Variants in ATP2B4 observed in about 807,000 individuals in gnomAD.
ATP2B4 encodes the protein ATPase plasma membrane Ca2+ transporting 4, also known as plasma membrane calcium-transporting ATPase 4.
A neutral mutation model predicts 110.3 loss-of-function variants in ATP2B4; 39 were observed. The observed-to-expected ratio is 0.35, with a 90% CI of 0.27 to 0.46. ATP2B4 has a LOEUF of 0.46. Ranked by LOEUF, ATP2B4 falls within the 20% of genes least tolerant of loss-of-function variation. ATP2B4 has a pLI of 1.00. For missense variants in ATP2B4, 1,135 were observed against 1,530.9 expected, an observed-to-expected ratio of 0.74 and a Z score of 4.32; for synonymous variants, 538 against 571.7, an observed-to-expected ratio of 0.94 and a Z score of 0.84.
Position 203,721,192 on chromosome 1 carries a change from G to A in ATP2B4, c.2599-5G>A, listed in dbSNP as rs369620950. The A allele has an allele frequency of 2.4e-5, 39 of 1,613,688 alleles. No homozygotes were observed. The highest frequency in any genetic ancestry group is 6.7e-5 in the East Asian group (3 of 44,888). Reference sequence around the variant, plus strand: ...GCTAAAAGGACTGGTTCTTCTCCCCGCCAGGATTCCCCATTGAAAGCTGTG... The same window carrying A: ...GCTAAAAGGACTGGTTCTTCTCCCCACCAGGATTCCCCATTGAAAGCTGTG... On this transcript the variant is annotated splice_polypyrimidine_tract_variant and splice_region_variant and intron_variant, in intron 16 of 20. Coordinates refer to ENST00000357681, the MANE Select transcript of ATP2B4 (RefSeq NM_001684.5).
At chr1:203,680,533 C>T (rs1407640439) in intron 1 of ATP2B4, among the ~76,000 whole-genome samples, 1 of 150,512 alleles carries the variant, frequency 6.6e-6, no homozygotes, top group Non-Finnish European at 1.5e-5. Flanking sequence ...GGCGTGAACC[C>T]GGGAGGTGGA....
intron 10 of ATP2B4, among the ~76,000 whole-genome samples, chr1:203,708,984 C>T (rs1024238123): frequency 3.9e-5 from 6 of 152,066 alleles, no homozygotes; most frequent in African/African-American, 7.2e-5. Flanking sequence ...TGGTGAAACC[C>T]GGTCTCTACT....
chr1:203,726,405 G>C (rs1666518279), intron 19 of ATP2B4, among the ~76,000 whole-genome samples: 1 of 147,404 alleles, frequency 6.8e-6, no homozygotes, highest in Non-Finnish European at 1.5e-5. Flanking sequence ...CCTCCACCCT[G>C]TTCTGTTTGG....
At chr1:203,720,888 C>A in intron 16 of ATP2B4, 148 bp downstream of exon 16, 1 of 994,152 alleles carries the variant, frequency 1.0e-6, no homozygotes, top group Non-Finnish European at 1.4e-6. Flanking sequence ...AGTCTGCTGT[C>A]TTCATCTGCT....
chr1:203,686,685 C>CTTTTT (rs779048789), intron 2 of ATP2B4, among the ~76,000 whole-genome samples: 2,525 of 42,670 alleles, frequency 0.059, 285 homozygotes, highest in Middle Eastern at 0.13. Flanking sequence ...TCTTTTCTTT[C>CTTTTT]TTTTTTTTTT....
At chr1:203,733,984 T>G (rs139657710) in intron 20 of ATP2B4, among the ~76,000 whole-genome samples, 1 of 152,222 alleles carries the variant, frequency 6.6e-6, no homozygotes, top group Admixed American at 6.5e-5. Flanking sequence ...TGGCCACCAC[T>G]GTATTGCTGA....
intron 15 of ATP2B4, among the ~76,000 whole-genome samples, chr1:203,717,971 G>C (rs1666208369): frequency 6.6e-6 from 1 of 151,980 alleles, no homozygotes; most frequent in South Asian, 2.1e-4. Flanking sequence ...ACTTTGGGAG[G>C]CCAAGGGGGA....
intron 18 of ATP2B4, among the ~76,000 whole-genome samples, chr1:203,723,559 T>C (rs1666414072): frequency 6.7e-6 from 1 of 149,854 alleles, no homozygotes; most frequent in East Asian, 2.0e-4. Flanking sequence ...CATCCTCAGT[T>C]CCTAACTCCA....
Position 203,683,215 on chromosome 1 carries a change from C to G in ATP2B4, c.10C>G (p.Pro4Ala). ...GGTAACAGCAGGCAAAATGACGAAC[C>G]CATCAGACCGTGTCTTGCCTGCCAA... The part of the protein sequence containing the change: MTN[P>A]SDRVLPANSM... Residue 4 changes from proline (P) to alanine (A), a missense_variant, in exon 2 of 21, where the codon CCA becomes GCA. Around this residue, in one of 9 missense-constraint regions of ATP2B4, gnomAD observed 122 missense variants for 125.2 expected, o/e 0.97. Transcript: ENST00000357681. 6.2e-7 allele frequency: 1 copy of G among 1,613,604 alleles called. No individual in the cohort carries two copies. The highest frequency in any genetic ancestry group is 1.1e-5 in the South Asian group (1 of 91,004).
intron 1 of ATP2B4, among the ~76,000 whole-genome samples, chr1:203,643,063 C>T (rs1212750779): frequency 2.6e-5 from 4 of 152,196 alleles, no homozygotes; most frequent in East Asian, 1.9e-4. Flanking sequence ...ACTGTCTCCC[C>T]GTAGCGAAAG....
chr1:203,679,657 G>A (rs764941280), intron 1 of ATP2B4, among the ~76,000 whole-genome samples: 1 of 152,004 alleles, frequency 6.6e-6, no homozygotes. Flanking sequence ...GGCCGAGGGG[G>A]GTGGATCACA....
chr1:203,696,712 C>T (rs1325177773), intron 2 of ATP2B4, among the ~76,000 whole-genome samples: 1 of 152,184 alleles, frequency 6.6e-6, no homozygotes, highest in East Asian at 1.9e-4. Context: ...CTGCCTATCT[C>T]TTGTCCCTCT....
chr1:203,701,003 G>A, intron 6 of ATP2B4, 80 bp downstream of exon 6: 1 of 1,490,528 alleles, frequency 6.7e-7, no homozygotes, highest in East Asian at 2.5e-5. Flanking sequence ...GATCTGGATA[G>A]AAAGCATGGT....
At chr1:203,727,760 G>C in intron 20 of ATP2B4, 189 bp downstream of exon 20, 2 of 667,894 alleles carry the variant, frequency 3.0e-6, no homozygotes, top group East Asian at 2.8e-5. Context: ...TCTGAGAGGA[G>C]AGGAGTCAAA....
chr1:203,633,990 C>T (rs1484721557), intron 1 of ATP2B4, among the ~76,000 whole-genome samples: 2 of 152,036 alleles, frequency 1.3e-5, no homozygotes, highest in African/African-American at 2.4e-5. Flanking sequence ...GCGGAGGTTG[C>T]AGTGAGCCAA....
At chr1:203,713,292 G>A (rs1161897593) in intron 14 of ATP2B4, 40 bp downstream of exon 14, 2 of 1,609,548 alleles carry the variant, frequency 1.2e-6, no homozygotes, top group Non-Finnish European at 1.7e-6. Context: ...AACAGCTGAA[G>A]GCAGGCCAGG....
At chr1:203,725,904 CTT>C (rs756184004) in intron 19 of ATP2B4, among the ~76,000 whole-genome samples, 5 of 93,374 alleles carry the variant, frequency 5.4e-5, no homozygotes, top group South Asian at 4.2e-4. Flanking sequence ...CTTTTCTTTT[CTT>C]TTTTTTTTTT....
At chr1:203,670,914 T>C (rs1253493588) in intron 1 of ATP2B4, among the ~76,000 whole-genome samples, 2 of 152,208 alleles carry the variant, frequency 1.3e-5, no homozygotes, top group Non-Finnish European at 2.9e-5. Flanking sequence ...TTCTGAGCCA[T>C]GGTGGCATCT....
At chr1:203,643,648 C>A (rs1315943074) in intron 1 of ATP2B4, among the ~76,000 whole-genome samples, 1 of 152,202 alleles carries the variant, frequency 6.6e-6, no homozygotes, top group Non-Finnish European at 1.5e-5. Flanking sequence ...GTGCTCCAGG[C>A]TCTCTTGGAA....
Sources: gnomAD v4.1 joint callset for allele counts (sites outside exome capture counted in the v4.1 genomes callset) on GRCh38, gnomAD v4.1.1 for gene constraint, gnomAD v4.1.1 regional missense constraint, MANE v1.5 for transcripts, NCBI Gene and HGNC (gene_info 2026-07-23, HGNC 2026-07-21) for gene names.